The following ARHGEF18 variants were observed in gnomAD, a reference collection of about 807,000 sequenced individuals.
ARHGEF18 encodes the protein Rho/Rac guanine nucleotide exchange factor 18, also known as rho guanine nucleotide exchange factor 18.
Under a neutral mutation model 155.7 loss-of-function variants are expected in ARHGEF18, and 93 were observed. That is an observed-to-expected ratio of 0.60 (90% CI 0.50 to 0.71). The LOEUF (loss-of-function observed/expected upper bound fraction) is 0.71. ARHGEF18 is among the 30% of genes least tolerant of loss of function. The pLI, the probability that ARHGEF18 is intolerant of heterozygous loss-of-function variation, is 0.00. For synonymous variants in ARHGEF18, 742 were observed against 753.1 expected (o/e 0.99, Z 0.24); for missense variants, 1,593 against 1,816.1 (o/e 0.88, Z 2.23).
At chr19:7,362,012 A>G (rs4804536) in intron 1 of ARHGEF18, among the ~76,000 whole-genome samples, 10,837 of 46,628 alleles carry the variant, frequency 0.23, 1,270 homozygotes, top group Middle Eastern at 0.3. Context: ...AAGAAGAAGA[A>G]GAAGGAGAAG....
At chr19:7,416,761 C>T (rs1973050894) in intron 10 of ARHGEF18, among the ~76,000 whole-genome samples, 1 of 145,380 alleles carries the variant, frequency 6.9e-6, no homozygotes, top group African/African-American at 2.5e-5. Context: ...CGCCACCACG[C>T]CCAGCTAATT....
chr19:7,395,024 C>T lies in ARHGEF18; in HGVS notation c.967+11821C>T, dbSNP rs1480912778. 1.0e-6 allele frequency: 1 copy of T among 983,558 alleles called. No homozygotes were observed. The highest frequency in any genetic ancestry group is 1.2e-6 in the Non-Finnish European group (1 of 828,318). 60.9% of individuals were successfully genotyped at this position (983,558 alleles called of 1,614,324 possible). A position where few individuals can be genotyped will look rare whatever the true frequency, so the allele number is the denominator to read the frequency against. ...TCGGGGAGCAGCAGCCCCAGGTCCCCGGGAGCGCCCCGCCCTCGAGGGCAC... is the reference window on the plus strand; with the variant it reads ...TCGGGGAGCAGCAGCCCCAGGTCCCTGGGAGCGCCCCGCCCTCGAGGGCAC... On this transcript the variant is annotated intron_variant, in intron 10 of 28. Coordinates refer to ENST00000668164, the MANE Select transcript of ARHGEF18 (RefSeq NM_001367823.1). The surrounding 1 kb of genome is among the most constrained non-coding windows in gnomAD (Gnocchi z 5.0).
intron 10 of ARHGEF18, among the ~76,000 whole-genome samples, chr19:7,436,278 T>C (rs958436304): frequency 4.6e-5 from 7 of 151,362 alleles, no homozygotes; most frequent in East Asian, 1.9e-4. Flanking sequence ...TTTGGTTTTT[T>C]GGTTTTAGTT....
rs965666634 is a variant in ARHGEF18 at position 7,466,804 on chromosome 19, C to CAAAAAAAAA, written c.2905-100_2905-92dup. On this transcript the variant is annotated intron_variant, in intron 23 of 28. Coordinates refer to ENST00000668164, the MANE Select transcript of ARHGEF18 (RefSeq NM_001367823.1). The stretch of plus-strand genomic sequence containing the variant: ...GGGCAACAAGAGCAGAATTCCGTCT[C>CAAAAAAAAA]AAAAAAAAAAAAAAAAAAAAAAGTT... 122 of 495,940 alleles carry CAAAAAAAAA rather than the reference C, an allele frequency of 2.5e-4. 2 individuals carry two copies. The African/African-American group carries it at 4.2e-3, about 17-fold the overall frequency. 30.7% of individuals were successfully genotyped at this position (495,940 alleles called of 1,614,324 possible). A position where few individuals can be genotyped will look rare whatever the true frequency, so the allele number is the denominator to read the frequency against.
chr19:7,449,999 A>G (rs1975256092), intron 15 of ARHGEF18, among the ~76,000 whole-genome samples: 1 of 152,156 alleles, frequency 6.6e-6, no homozygotes. Context: ...TTGTATATAC[A>G]GCAGGTGATC....
intron 8 of ARHGEF18, among the ~76,000 whole-genome samples, chr19:7,382,530 C>A (rs895067479): frequency 2.6e-5 from 4 of 152,136 alleles, no homozygotes; most frequent in African/African-American, 9.7e-5. Context: ...CATTGAGGGA[C>A]CTCAAACCTG....
At chr19:7,416,357 T>A (rs1973005631) in intron 10 of ARHGEF18, among the ~76,000 whole-genome samples, 1 of 152,016 alleles carries the variant, frequency 6.6e-6, no homozygotes, top group South Asian at 2.1e-4. Flanking sequence ...GAGGCTGCAG[T>A]GAGCTACGAT....
At position 7,467,690 on chromosome 19, in the gene ARHGEF18, C is replaced by T. The variant is rs2303143; in HGVS notation, c.3480+6C>T. 0.15 allele frequency: 225,186 copies of T among 1,480,970 alleles called. 20,026 individuals carry two copies. Among genetic ancestry groups the T allele is most frequent in the African/African-American group, 0.41 (28,670 of 69,176 alleles). The allele number at this position is 1,480,970 out of a possible 1,614,324, so 91.7% of individuals were successfully genotyped here. A position where few individuals can be genotyped will look rare whatever the true frequency, so the allele number is the denominator to read the frequency against. ...CGCCCGACACACTGGCCGAGGTGAG[C>T]GCGCAGCAGCCAGTGTGCGCAGGTT... is the stretch of plus-strand genomic sequence containing the variant. On this transcript the variant is annotated splice_donor_region_variant and intron_variant, in intron 26 of 28. Transcript: ENST00000668164.
At chr19:7,392,730 A>C (rs1445299842) in intron 10 of ARHGEF18, 1 of 151,468 alleles carries the variant, frequency 6.6e-6, no homozygotes, top group Non-Finnish European at 1.5e-5. Flanking sequence ...AGAAAAAAAA[A>C]AAAAAAGAAA....
At chr19:7,426,000 A>AAAAAT (rs200882374) in intron 10 of ARHGEF18, among the ~76,000 whole-genome samples, 9 of 152,016 alleles carry the variant, frequency 5.9e-5, no homozygotes, top group African/African-American at 1.9e-4. Context: ...ACCCTGTCTC[A>AAAAAT]AAAATAAAAT....
At chr19:7,475,590 G>C (rs1977211927), downstream of ARHGEF18, among the ~76,000 whole-genome samples, 1 of 152,182 alleles carries the variant, frequency 6.6e-6, no homozygotes, top group Non-Finnish European at 1.5e-5. Context: ...GAGTGGGAGA[G>C]CGGCCTCCCT....
chr19:7,360,487 C>T (rs936296207), intron 1 of ARHGEF18, among the ~76,000 whole-genome samples: 4 of 152,190 alleles, frequency 2.6e-5, no homozygotes, highest in Admixed American at 1.3e-4. Flanking sequence ...CCGCCTTCCT[C>T]GGCCTCCCAA....
rs1193783599 is a variant in ARHGEF18, at chr19:7,395,127, C to A, written c.967+11924C>A. The A allele has an allele frequency of 1.0e-6, 1 of 985,436 alleles. No homozygotes were observed. Among genetic ancestry groups the A allele is most frequent in the East Asian group, 1.1e-4 (1 of 8,816 alleles). The allele number at this position is 985,436 out of a possible 1,614,324, so 61.0% of individuals were successfully genotyped here. A position where few individuals can be genotyped will look rare whatever the true frequency, so the allele number is the denominator to read the frequency against. On this transcript the variant is annotated intron_variant, in intron 10 of 28. Transcript: ENST00000668164. This position sits in a 1 kb window ranked among gnomAD's most constrained non-coding sequence, Gnocchi z 5.0. ...GCGCTGCTCTCCTCGCGCGGCTTCC[C>A]GCTTCCGGCTCCCAGCTGCTAGCTA...
intron 17 of ARHGEF18, among the ~76,000 whole-genome samples, chr19:7,456,079 C>T (rs1975808109): frequency 6.6e-6 from 1 of 152,208 alleles, no homozygotes; most frequent in African/African-American, 2.4e-5. Context: ...CTGACATGGG[C>T]GGGAGCCCTG....
At position 7,462,767 on chromosome 19, in the gene ARHGEF18, C is replaced by T. The variant is rs964830813; in HGVS notation, c.2635+433C>T. ...TCCCCACGCACAGCTCTAACACAGC[C>T]GCCAGGCCCCTGGGCTGGCCGCTTG... is the stretch of plus-strand genomic sequence containing the variant. On this transcript the variant is annotated intron_variant, in intron 21 of 28. Transcript: ENST00000668164. The surrounding 1 kb of genome is among the most constrained non-coding windows in gnomAD (Gnocchi z 4.4). 6.6e-6 allele frequency among the ~76,000 whole-genome samples: 1 copy of T among 152,072 alleles called. No individual in the cohort carries two copies. The highest frequency in any genetic ancestry group is 2.4e-5 in the African/African-American group (1 of 41,402).
At chr19:7,434,953 G>A (rs1974173697) in intron 10 of ARHGEF18, among the ~76,000 whole-genome samples, 1 of 152,228 alleles carries the variant, frequency 6.6e-6, no homozygotes, top group South Asian at 2.1e-4. Flanking sequence ...TGTAATCCCA[G>A]CACTTTGGGA....
intron 20 of ARHGEF18, among the ~76,000 whole-genome samples, 198 bp from the exon 21 acceptor site, chr19:7,461,954 A>G (rs1976293031): frequency 1.3e-5 from 2 of 152,082 alleles, no homozygotes; most frequent in Admixed American, 6.5e-5. Flanking sequence ...AGCTAACCTG[A>G]TTTTTATAAC....
Position 7,467,642 on chromosome 19 carries a change from G to A in ARHGEF18, c.3438G>A (p.Gln1146=). The change falls in exon 26 of 29, where the codon CAG becomes CAA. Residue 1146 remains glutamine, a synonymous_variant. Transcript: ENST00000668164. ...AGCTGCTGCGCCGCCTCAAGAAGCAGAACACCGCGCCAGGCGCGCTGCCGC... is the reference window on the plus strand; with the variant it reads ...AGCTGCTGCGCCGCCTCAAGAAGCAAAACACCGCGCCAGGCGCGCTGCCGC... ...RLELLRRLKK[Q]NTAPGALPPD... is the part of the protein sequence containing the mutation. The A allele has an allele frequency of 6.6e-7, 1 of 1,516,702 alleles. No individual in the cohort carries two copies. Among genetic ancestry groups the A allele is most frequent in the African/African-American group, 1.4e-5 (1 of 71,158 alleles). 94.0% of individuals were successfully genotyped at this position (1,516,702 alleles called of 1,614,324 possible).
At position 7,463,214 on chromosome 19, in the gene ARHGEF18, A is replaced by C. The variant is rs549560746; in HGVS notation, c.2636-604A>C. 6.6e-6 allele frequency among the ~76,000 whole-genome samples: 1 copy of C among 152,230 alleles called. No individual in the cohort carries two copies. The highest frequency in any genetic ancestry group is 1.9e-4 in the East Asian group (1 of 5,168). On this transcript the variant is annotated intron_variant, in intron 21 of 28. Coordinates refer to ENST00000668164, the MANE Select transcript of ARHGEF18 (RefSeq NM_001367823.1). The surrounding 1 kb of genome is among the most constrained non-coding windows in gnomAD (Gnocchi z 5.2). ...CTTTCCGCAGAATAAGACGGCAGAG[A>C]CGGGGGTCAGTCTTTCTCCCTCCAG...
Sources: gnomAD v4.1 joint callset for allele counts (sites outside exome capture counted in the v4.1 genomes callset) on GRCh38, gnomAD v4.1.1 for gene constraint, Gnocchi (gnomAD v3.1) non-coding constraint, MANE v1.5 for transcripts, NCBI Gene and HGNC (gene_info 2026-07-23, HGNC 2026-07-21) for gene names.